The following USP32 variants were observed in gnomAD, a reference collection of about 807,000 sequenced individuals.
The protein encoded by USP32 is ubiquitin carboxyl-terminal hydrolase 32.
Under a neutral mutation model 204.8 loss-of-function variants are expected in USP32, and 59 were observed. The ratio of observed to expected loss-of-function variants is 0.29; its 90% CI spans 0.23 to 0.36. The LOEUF is 0.36. USP32 is among the 10% of genes least tolerant of loss of function. The pLI is 1.00. For synonymous variants in USP32, 517 were observed against 678.4 expected (o/e 0.76, Z 3.70); for missense variants, 1,160 against 1,946.4 (o/e 0.60, Z 7.60).
At chr17:60,300,618 T>C (rs1227525885) in intron 3 of USP32, among the ~76,000 whole-genome samples, 1 of 152,142 alleles carries the variant, frequency 6.6e-6, no homozygotes, top group Non-Finnish European at 1.5e-5. Flanking sequence ...TAAACTTTGG[T>C]TTTGTTTGTG....
chr17:60,264,677 C>T (rs1395418707), intron 9 of USP32, among the ~76,000 whole-genome samples: 4 of 151,586 alleles, frequency 2.6e-5, no homozygotes, highest in African/African-American at 9.7e-5. Flanking sequence ...GCCAACATAA[C>T]GAAACCCCAT....
chr17:60,181,270 A>C (rs1369544665), intron 32 of USP32, 54 bp downstream of exon 32: 5 of 1,552,560 alleles, frequency 3.2e-6, no homozygotes, highest in Non-Finnish European at 4.4e-6. Flanking sequence ...ATACATGAAG[A>C]CAAGTGAACA....
At chr17:60,242,544 G>A (rs2085906663) in intron 11 of USP32, among the ~76,000 whole-genome samples, 1 of 152,144 alleles carries the variant, frequency 6.6e-6, no homozygotes, top group African/African-American at 2.4e-5. Context: ...ATGAGTAGCT[G>A]AGACTACAGT....
intron 1 of USP32, among the ~76,000 whole-genome samples, chr17:60,383,315 T>C (rs899945560): frequency 4.0e-5 from 6 of 151,654 alleles, no homozygotes; most frequent in Admixed American, 6.6e-5. Context: ...TGGATACATA[T>C]AGTATAACTC....
chr17:60,191,376 T>C (rs2084375528), intron 28 of USP32, among the ~76,000 whole-genome samples: 3 of 111,324 alleles, frequency 2.7e-5, no homozygotes, highest in Admixed American at 1.3e-4. Flanking sequence ...CACTGCAGCC[T>C]GGGTGACAGA....
chr17:60,286,064 A>C (rs1414534088), intron 5 of USP32, among the ~76,000 whole-genome samples: 1 of 150,986 alleles, frequency 6.6e-6, no homozygotes, highest in Non-Finnish European at 1.5e-5. Context: ...TGAATCCAGG[A>C]GGCGGAGGCT....
At chr17:60,213,773 A>G in intron 17 of USP32, 111 bp from the exon 18 acceptor site, 7 of 1,203,348 alleles carry the variant, frequency 5.8e-6, no homozygotes, top group South Asian at 1.6e-5. Context: ...GTTATATAAC[A>G]TATCACAAAT....
chr17:60,253,221 C>T (rs551617625), intron 10 of USP32, among the ~76,000 whole-genome samples: 1 of 152,126 alleles, frequency 6.6e-6, no homozygotes, highest in East Asian at 1.9e-4. Flanking sequence ...GACTCAGACA[C>T]AAACTTAAGT....
At chr17:60,209,306 T>A in intron 22 of USP32, 64 bp downstream of exon 22, 1 of 764,436 alleles carries the variant, frequency 1.3e-6, no homozygotes, top group Non-Finnish European at 2.0e-6. Flanking sequence ...TAAGTTGTGC[T>A]ACATGTATTT....
chr17:60,326,260 G>A (rs943663233), intron 2 of USP32, among the ~76,000 whole-genome samples: 6 of 151,470 alleles, frequency 4.0e-5, no homozygotes, highest in African/African-American at 1.5e-4. Flanking sequence ...CACACCCTCT[G>A]CCCTAGTAAC....
At chr17:60,207,555 C>T (rs911500271) in intron 24 of USP32, among the ~76,000 whole-genome samples, 1 of 151,316 alleles carries the variant, frequency 6.6e-6, no homozygotes, top group Admixed American at 6.6e-5. Context: ...TATTTGTTTC[C>T]CCAGCTGGTA....
intron 9 of USP32, among the ~76,000 whole-genome samples, chr17:60,264,164 A>C (rs1382123082): frequency 6.6e-6 from 1 of 152,088 alleles, no homozygotes; most frequent in Non-Finnish European, 1.5e-5. Context: ...TATTTTTGCT[A>C]TTACATGCTT....
chr17:60,261,981 C>T (rs528768375), intron 9 of USP32, among the ~76,000 whole-genome samples: 12 of 152,310 alleles, frequency 7.9e-5, no homozygotes, highest in Admixed American at 3.9e-4. Context: ...ATTTGCTATA[C>T]TGACACCTGA....
chr17:60,347,255 G>A (rs1044971496), intron 1 of USP32, among the ~76,000 whole-genome samples: 1 of 151,596 alleles, frequency 6.6e-6, no homozygotes, highest in African/African-American at 2.4e-5. Flanking sequence ...CATGATCTCA[G>A]GTCACTGCAA....
At chr17:60,384,686 G>A (rs2089699506) in intron 1 of USP32, among the ~76,000 whole-genome samples, 1 of 152,044 alleles carries the variant, frequency 6.6e-6, no homozygotes, top group East Asian at 1.9e-4. Flanking sequence ...CAGCTACTCG[G>A]AGGGCTGAGG....
In USP32 at chr17:60,236,225, T is replaced by G; in HGVS notation, c.1152A>C (p.Arg384=). 6.2e-7 allele frequency: 1 copy of G among 1,613,898 alleles called. No individual in the cohort carries two copies. Among genetic ancestry groups the G allele is most frequent in the Admixed American group, 1.7e-5 (1 of 60,006 alleles). ...EGQIIRGWLE[R]ESRYGLQAGH... is the part of the protein sequence containing the mutation. ...CTGCTTGCAGACCATACCTGCTCTCTCGTTCTAACCATCCTCTGTATGTAC... is the reference window on the plus strand; with the variant it reads ...CTGCTTGCAGACCATACCTGCTCTCGCGTTCTAACCATCCTCTGTATGTAC... Residue 384 remains arginine, a synonymous_variant, in exon 12 of 34, where the codon CGA becomes CGC. Transcript: ENST00000300896.
At chr17:60,414,783 T>C (rs765857818) in intron 1 of USP32, among the ~76,000 whole-genome samples, 2 of 152,136 alleles carry the variant, frequency 1.3e-5, no homozygotes, top group Non-Finnish European at 2.9e-5. Context: ...CTCATTTACT[T>C]CTCCAGGCTA....
intron 25 of USP32, among the ~76,000 whole-genome samples, chr17:60,206,650 G>A (rs1341605913): frequency 6.6e-6 from 1 of 151,276 alleles, no homozygotes; most frequent in Non-Finnish European, 1.5e-5. Flanking sequence ...TGGCTAAAAG[G>A]ACTCAGTGAG....
At chr17:60,301,455 T>C (rs969268957) in intron 3 of USP32, 144 bp downstream of exon 3, 5 of 524,694 alleles carry the variant, frequency 9.5e-6, no homozygotes, top group Non-Finnish European at 1.7e-5. Context: ...ACTAATTATG[T>C]TGCACATTTT....
Sources: gnomAD v4.1 joint callset for allele counts (sites outside exome capture counted in the v4.1 genomes callset) on GRCh38, gnomAD v4.1.1 for gene constraint, MANE v1.5 for transcripts, NCBI Gene and HGNC (gene_info 2026-07-23, HGNC 2026-07-21) for gene names.